TRAPPC9: variants seen among roughly 807,000 people sequenced by gnomAD.
TRAPPC9 encodes trafficking protein particle complex subunit 9, also known as IKK2 binding protein.
Under a neutral mutation model 124.0 loss-of-function variants are expected in TRAPPC9, and 83 were observed. The ratio of observed to expected loss-of-function variants is 0.67; its 90% CI spans 0.56 to 0.80. The LOEUF is 0.80. Ranked by LOEUF, TRAPPC9 falls within the 30% of genes least tolerant of loss-of-function variation. The probability of loss-of-function intolerance (pLI) is 0.00; values close to 1 mark genes in which losing one functional copy is unlikely to be tolerated. For missense variants in TRAPPC9, 1,302 were observed against 1,508.3 expected (o/e 0.86, Z 2.27); for synonymous variants, 638 against 617.5 (o/e 1.03, Z -0.49).
chr8:140,443,545 A>G (rs1249361554), intron 2 of TRAPPC9, among the ~76,000 whole-genome samples: 3 of 152,152 alleles, frequency 2.0e-5, no homozygotes, highest in African/African-American at 7.2e-5. Context: ...TGATGTAAAT[A>G]CAGTAAGTAT....
rs368029059 is a variant in TRAPPC9 at position 140,356,975 on chromosome 8, G to A, written c.1495+3075C>T. On this transcript the variant is annotated intron_variant, in intron 9 of 22. Transcript: ENST00000438773. Reference sequence around the variant, plus strand: ...AATCAACTTCCCCATAAGCAATCACGATGAAGGCAAGGGCTGTGACAACAT... The same window carrying A: ...AATCAACTTCCCCATAAGCAATCACAATGAAGGCAAGGGCTGTGACAACAT... 5.9e-5 allele frequency among the ~76,000 whole-genome samples: 9 copies of A among 152,256 alleles called. No individual in the cohort carries two copies. In the East Asian group the frequency reaches 9.7e-4, roughly 16 times the overall value.
intron 17 of TRAPPC9, among the ~76,000 whole-genome samples, chr8:140,190,891 C>A (rs1001920052): frequency 1.3e-5 from 2 of 152,152 alleles, no homozygotes; most frequent in African/African-American, 4.8e-5. Flanking sequence ...AGGACTACAG[C>A]GTGTTTTTGC....
rs144970485 is a variant in TRAPPC9, at chr8:140,437,398, G to T, written c.730+1654C>A. ...CCAGCACTCTGGGAGGCCAAGGCAG[G>T]CATATCAGCTGAGGTCGAGTTCAAG... is the stretch of plus-strand genomic sequence containing the variant. On this transcript the variant is annotated intron_variant, in intron 3 of 22. Coordinates refer to ENST00000438773, the MANE Select transcript of TRAPPC9 (RefSeq NM_001160372.4). Among the ~76,000 whole-genome samples, 120 of 152,270 alleles carry T rather than the reference G, an allele frequency of 7.9e-4. No homozygotes were observed. The East Asian group carries it at 0.016, about 20-fold the overall frequency.
intron 9 of TRAPPC9, among the ~76,000 whole-genome samples, chr8:140,321,522 G>A (rs1278968189): frequency 6.6e-6 from 1 of 152,188 alleles, no homozygotes; most frequent in Non-Finnish European, 1.5e-5. Flanking sequence ...AGGATGCAAA[G>A]GAACAGGCAT....
intron 17 of TRAPPC9, among the ~76,000 whole-genome samples, chr8:140,122,023 T>TCTCTCTCTCTCTCTCTCTCTCTCTC (rs1563777112): frequency 7.2e-6 from 1 of 138,438 alleles, no homozygotes. Context: ...CTTTCTTTCT[T>TCTCTCTCTCTCTCTCTCTCTCTCTC]TCTCTCTCTC....
At chr8:140,429,937 A>G (rs1478297261) in intron 4 of TRAPPC9, among the ~76,000 whole-genome samples, 2 of 152,194 alleles carry the variant, frequency 1.3e-5, no homozygotes, top group African/African-American at 4.8e-5. Context: ...ACCTGATGTC[A>G]GGAGTTCGAG....
intron 9 of TRAPPC9, among the ~76,000 whole-genome samples, chr8:140,354,582 T>C (rs1380762755): frequency 6.6e-6 from 1 of 152,142 alleles, no homozygotes; most frequent in African/African-American, 2.4e-5. Context: ...ACATCACCAG[T>C]CCAGCTTCAC....
intron 17 of TRAPPC9, among the ~76,000 whole-genome samples, chr8:140,141,344 A>G (rs1418659637): frequency 6.6e-6 from 1 of 152,196 alleles, no homozygotes; most frequent in Non-Finnish European, 1.5e-5. Context: ...ATCCGCCCTT[A>G]TCTGGCGCAT....
At chr8:139,832,322 T>C (rs1284276174) in intron 21 of TRAPPC9, among the ~76,000 whole-genome samples, 1 of 152,358 alleles carries the variant, frequency 6.6e-6, no homozygotes, top group East Asian at 1.9e-4. Flanking sequence ...AGACTGCTTT[T>C]AATACTCGAA....
chr8:140,440,245 C>T (rs112175293), intron 2 of TRAPPC9, among the ~76,000 whole-genome samples: 4,378 of 152,246 alleles, frequency 0.029, 185 homozygotes, highest in African/African-American at 0.088. Flanking sequence ...CAGTGGCTCA[C>T]GCCTGTAATC....
chr8:139,842,739 C>T (rs1053420858), intron 21 of TRAPPC9, among the ~76,000 whole-genome samples: 1 of 152,162 alleles, frequency 6.6e-6, no homozygotes, highest in Non-Finnish European at 1.5e-5. Context: ...GCTGTCCTGC[C>T]CATAGACGGG....
chr8:140,429,658 T>A (rs1481862598), intron 4 of TRAPPC9, among the ~76,000 whole-genome samples: 2 of 151,646 alleles, frequency 1.3e-5, no homozygotes, highest in African/African-American at 4.8e-5. Context: ...ATACGAAAAT[T>A]AGCTGGTCAT....
intron 9 of TRAPPC9, among the ~76,000 whole-genome samples, chr8:140,333,328 T>C (rs2066946201): frequency 6.6e-6 from 1 of 152,270 alleles, no homozygotes; most frequent in Admixed American, 6.5e-5. Flanking sequence ...AAAAACTATA[T>C]ATATGTAGAT....
intron 17 of TRAPPC9, among the ~76,000 whole-genome samples, chr8:140,133,222 G>A (rs2061236787): frequency 6.6e-6 from 1 of 152,048 alleles, no homozygotes; most frequent in African/African-American, 2.4e-5. Flanking sequence ...ATGACCAAGG[G>A]GGATTTATTC....
chr8:140,167,899 C>T (rs1426909145), intron 17 of TRAPPC9, among the ~76,000 whole-genome samples: 2 of 152,194 alleles, frequency 1.3e-5, no homozygotes, highest in African/African-American at 4.8e-5. Flanking sequence ...TCTGAATGAA[C>T]CTGCTCAAAG....
intron 4 of TRAPPC9, among the ~76,000 whole-genome samples, chr8:140,431,175 C>T (rs866065713): frequency 6.6e-6 from 1 of 151,576 alleles, no homozygotes; most frequent in East Asian, 2.0e-4. Context: ...TGACCCTCCT[C>T]GCCGGGCGCG....
intron 5 of TRAPPC9, among the ~76,000 whole-genome samples, chr8:140,424,583 C>G (rs937924086): frequency 6.7e-6 from 1 of 149,532 alleles, no homozygotes; most frequent in Admixed American, 6.7e-5. Flanking sequence ...GAGCTAGGAT[C>G]GCGCCTGTGA....
At chr8:139,938,667 C>A (rs1354474476) in intron 19 of TRAPPC9, among the ~76,000 whole-genome samples, 1 of 150,782 alleles carries the variant, frequency 6.6e-6, no homozygotes, top group Non-Finnish European at 1.5e-5. Context: ...GAGACGGAGT[C>A]TCGCTCTGTC....
intron 19 of TRAPPC9, among the ~76,000 whole-genome samples, chr8:139,950,595 G>A (rs1405312360): frequency 2.0e-5 from 3 of 152,240 alleles, no homozygotes; most frequent in Non-Finnish European, 2.9e-5. Context: ...ACATCATGTT[G>A]ACAAGGCTGC....
Sources: allele counts gnomAD v4.1 joint callset (sites outside exome capture counted in the v4.1 genomes callset), GRCh38; gene constraint gnomAD v4.1.1; transcripts MANE v1.5; gene names NCBI Gene and HGNC (gene_info 2026-07-23, HGNC 2026-07-21).